The following ZC3H11A variants were observed in gnomAD, a reference collection of about 807,000 sequenced individuals.
The protein encoded by ZC3H11A is zinc finger CCCH-type containing 11A, also known as zinc finger CCCH domain-containing protein 11A.
Under a neutral mutation model 90.8 loss-of-function variants are expected in ZC3H11A, and 22 were observed. That is an observed-to-expected ratio of 0.24 (90% CI 0.17 to 0.35). The LOEUF is 0.35. ZC3H11A is among the 10% of genes least tolerant of loss of function. ZC3H11A has a pLI of 1.00. For missense variants in ZC3H11A, 701 were observed against 964.9 expected (o/e 0.73, Z 3.62); for synonymous variants, 294 against 339.8 (o/e 0.87, Z 1.48).
chr1:203,820,466 T>TTGTGTGTGTTTGTG (rs144962991), intron 4 of ZC3H11A, among the ~76,000 whole-genome samples: 9 of 136,396 alleles, frequency 6.6e-5, no homozygotes, highest in Admixed American at 6.2e-4. Context: ...ATATCACAAA[T>TTGTGTGTGTTTGTG]TATGTGTGTG....
intron 1 of ZC3H11A, chr1:203,798,976 A>T (rs1460105426): frequency 6.5e-7 from 1 of 1,536,104 alleles, no homozygotes; most frequent in African/African-American, 1.4e-5. Context: ...CTGACTGTTG[A>T]CATATGGACC....
In ZC3H11A at chr1:203,849,948, G is replaced by A. The variant is rs1199141883; in HGVS notation, c.1861G>A (p.Glu621Lys). The change falls in exon 15 of 18, where the codon GAG becomes AAG. Residue 621 changes from glutamate (E) to lysine (K), a missense_variant. Transcript: ENST00000367210. ...RLPTKSSQKVEVETSGIGDSL... is the reference protein window; with the variant it reads ...RLPTKSSQKVKVETSGIGDSL... ...TCCCACAAAGTCATCCCAGAAGGTGGAGGTAGAAACCTCAGGGATTGGAGA... is the reference window on the plus strand; with the variant it reads ...TCCCACAAAGTCATCCCAGAAGGTGAAGGTAGAAACCTCAGGGATTGGAGA... The A allele has an allele frequency of 8.1e-6, 13 of 1,614,020 alleles. No homozygotes were observed. Among genetic ancestry groups the A allele is most frequent in the East Asian group, 2.2e-5 (1 of 44,888 alleles).
chr1:203,798,827 G>C, intron 1 of ZC3H11A: 4 of 1,536,136 alleles, frequency 2.6e-6, no homozygotes, highest in Non-Finnish European at 2.6e-6. Flanking sequence ...CCTTTCAGAG[G>C]TTCATGCAGA....
chr1:203,829,974 C>T (rs1681732403), intron 7 of ZC3H11A, 78 bp downstream of exon 7: 2 of 1,424,316 alleles, frequency 1.4e-6, no homozygotes, highest in Non-Finnish European at 9.9e-7. Flanking sequence ...TCATTGACCT[C>T]CCTCTTCTTT....
intron 4 of ZC3H11A, among the ~76,000 whole-genome samples, chr1:203,825,428 A>ATTT (rs59157538): frequency 1.1e-4 from 9 of 81,630 alleles, no homozygotes; most frequent in East Asian, 9.6e-4. Flanking sequence ...ACTGTGGAGG[A>ATTT]TTTTTTTTTT....
chr1:203,848,318 A>C lies in ZC3H11A; in HGVS notation c.1547-13A>C. On this transcript the variant is annotated splice_polypyrimidine_tract_variant and intron_variant, in intron 13 of 17. Transcript: ENST00000367210. ...AAATAAAATAACTAATGATGTCTTTAATGTGAATACAGGGATGAAAGAAGA... is the reference window on the plus strand; with the variant it reads ...AAATAAAATAACTAATGATGTCTTTCATGTGAATACAGGGATGAAAGAAGA... 1 of 1,597,956 alleles carries C rather than the reference A, an allele frequency of 6.3e-7. No homozygotes were observed. Among genetic ancestry groups the C allele is most frequent in the Non-Finnish European group, 8.5e-7 (1 of 1,173,896 alleles).
chr1:203,815,105 C>G (rs1165676252), intron 2 of ZC3H11A: 1 of 151,510 alleles, frequency 6.6e-6, no homozygotes, highest in East Asian at 2.0e-4. Flanking sequence ...GCTGGGATTA[C>G]AGGCATGAGC....
chr1:203,851,242 A>G (rs1415802552), intron 17 of ZC3H11A, 118 bp downstream of exon 17: 7 of 880,242 alleles, frequency 8.0e-6, no homozygotes, highest in South Asian at 5.4e-5. Context: ...TTGCACTTCA[A>G]ATTAATTGCA....
chr1:203,825,099 AATAG>A (rs939791390), intron 4 of ZC3H11A, among the ~76,000 whole-genome samples: 2 of 151,740 alleles, frequency 1.3e-5, no homozygotes, highest in African/African-American at 4.8e-5. Context: ...AAAAAAAGAA[AATAG>A]ATGTTAGATA....
chr1:203,821,012 G>A (rs1678471454), intron 4 of ZC3H11A, among the ~76,000 whole-genome samples: 1 of 152,096 alleles, frequency 6.6e-6, no homozygotes, highest in South Asian at 2.1e-4. Flanking sequence ...GCAAACTTGT[G>A]GTGATACGTT....
intron 12 of ZC3H11A, 33 bp downstream of exon 12, chr1:203,840,407 T>C: frequency 6.3e-7 from 1 of 1,597,206 alleles, no homozygotes; most frequent in Non-Finnish European, 8.5e-7. Flanking sequence ...TTCTGATTAT[T>C]TTTTTCTTTG....
intron 3 of ZC3H11A, 140 bp downstream of exon 3, chr1:203,817,264 G>T: frequency 3.3e-6 from 2 of 604,568 alleles, no homozygotes; most frequent in Non-Finnish European, 5.5e-6. Context: ...GTTTTTTAAA[G>T]GATAATGTAT....
chr1:203,809,202 G>A (rs1673457881), intron 2 of ZC3H11A, among the ~76,000 whole-genome samples: 1 of 107,478 alleles, frequency 9.3e-6, no homozygotes, highest in Non-Finnish European at 1.8e-5. Context: ...TTGAGATGGA[G>A]TCTTGCTTTG....
chr1:203,835,400 G>A (rs988514653), intron 10 of ZC3H11A, among the ~76,000 whole-genome samples: 2 of 152,114 alleles, frequency 1.3e-5, no homozygotes, highest in East Asian at 3.8e-4. Context: ...TACATTACAC[G>A]TTATACAGTC....
At chr1:203,798,268 T>C in intron 1 of ZC3H11A, 1 of 1,536,116 alleles carries the variant, frequency 6.5e-7, no homozygotes, top group Non-Finnish European at 8.7e-7. Flanking sequence ...AGATTTCTCA[T>C]CAAAAGTAAC....
intron 12 of ZC3H11A, among the ~76,000 whole-genome samples, chr1:203,845,800 G>T (rs1687726965): frequency 6.6e-6 from 1 of 152,118 alleles, no homozygotes; most frequent in Admixed American, 6.6e-5. Flanking sequence ...GGAGATGTAG[G>T]TTGCGGTGAG....
At chr1:203,846,248 C>T (rs1044732015) in intron 12 of ZC3H11A, among the ~76,000 whole-genome samples, 1 of 149,730 alleles carries the variant, frequency 6.7e-6, no homozygotes, top group Non-Finnish European at 1.5e-5. Context: ...ATAGCACTAT[C>T]TCTTTTCATT....
chr1:203,847,098 C>A, intron 12 of ZC3H11A, 86 bp from the exon 13 acceptor site: 1 of 1,408,068 alleles, frequency 7.1e-7, no homozygotes, highest in South Asian at 1.3e-5. Flanking sequence ...CTCTGTTGGA[C>A]TGTCTTGATC....
chr1:203,833,985 C>G, intron 10 of ZC3H11A, 132 bp downstream of exon 10: 1 of 1,379,066 alleles, frequency 7.3e-7, no homozygotes, highest in Non-Finnish European at 9.4e-7. Flanking sequence ...TTATAAATTC[C>G]TCATGTTTTC....
Sources: allele counts gnomAD v4.1 joint callset (sites outside exome capture counted in the v4.1 genomes callset), GRCh38; gene constraint gnomAD v4.1.1; transcripts MANE v1.5; gene names NCBI Gene and HGNC (gene_info 2026-07-23, HGNC 2026-07-21).